PKHD1: variants seen among roughly 807,000 people sequenced by gnomAD.
PKHD1 encodes fibrocystin.
PKHD1 carries 291 observed loss-of-function variants against 412.0 expected under a neutral mutation model. The ratio of observed to expected loss-of-function variants is 0.71; its 90% CI spans 0.64 to 0.78. PKHD1 has a LOEUF of 0.78. PKHD1 is among the 30% of genes least tolerant of loss of function. The probability of loss-of-function intolerance (pLI) is 0.00; values close to 1 mark genes in which losing one functional copy is unlikely to be tolerated. For synonymous variants in PKHD1, 1,777 were observed against 1,821.5 expected (o/e 0.98, Z 0.62); for missense variants, 4,825 against 4,950.7 (o/e 0.97, Z 0.76).
chr6:51,953,990 C>A (rs1437476011), intron 36 of PKHD1, among the ~76,000 whole-genome samples: 5 of 152,168 alleles, frequency 3.3e-5, no homozygotes, highest in Admixed American at 1.3e-4. Context: ...GAAGCAAAAG[C>A]AATCCAAGGT....
intron 53 of PKHD1, among the ~76,000 whole-genome samples, chr6:51,788,711 T>C (rs1229501729): frequency 6.6e-6 from 1 of 152,148 alleles, no homozygotes; most frequent in Non-Finnish European, 1.5e-5. Context: ...CCCTAGGGTA[T>C]ACCTCATCCC....
In PKHD1 at chr6:51,807,471, A is replaced by ATATG. The variant is rs1562356489; in HGVS notation, c.8303-16099_8303-16098insCATA. Among the ~76,000 whole-genome samples the ATATG allele has an allele frequency of 2.4e-4, 28 of 115,832 alleles. 1 individual carries two copies. The highest frequency in any genetic ancestry group is 9.7e-4 in the African/African-American group (27 of 27,702). The allele number at this position is 115,832 out of a possible 152,430, so 76.0% of individuals were successfully genotyped here. ...AAAAAAAAAAAAAATATATATATAT[A>ATATG]TATATATATGTATATGTGTGTGTGT... On this transcript the variant is annotated intron_variant, in intron 52 of 66. Coordinates refer to ENST00000371117, the MANE Select transcript of PKHD1 (RefSeq NM_138694.4).
At chr6:51,805,031 A>G (rs1202986169) in intron 52 of PKHD1, among the ~76,000 whole-genome samples, 1 of 152,192 alleles carries the variant, frequency 6.6e-6, no homozygotes, top group Non-Finnish European at 1.5e-5. Flanking sequence ...CTTACTGGGT[A>G]TATATCCAAA....
chr6:51,632,068 C>T (rs2247786), intron 65 of PKHD1, among the ~76,000 whole-genome samples: 15,212 of 151,666 alleles, frequency 0.1, 776 homozygotes, highest in East Asian at 0.14. Flanking sequence ...CTCAGCCTCC[C>T]GAGTAGCTGG....
chr6:52,010,532 T>C (rs1261393995), intron 34 of PKHD1, 73 bp from the exon 35 acceptor site: 2 of 1,286,916 alleles, frequency 1.6e-6, no homozygotes, highest in Non-Finnish European at 2.3e-6. Context: ...CTCTTATTAA[T>C]CATTGCAAGC....
At chr6:51,754,966 T>A in intron 55 of PKHD1, 28 bp from the exon 56 acceptor site, 2 of 1,591,204 alleles carry the variant, frequency 1.3e-6, no homozygotes, top group Non-Finnish European at 1.7e-6. Flanking sequence ...TGGCATTGGA[T>A]ATACTAACAG....
chr6:52,009,822 G>A (rs562846625), intron 35 of PKHD1, among the ~76,000 whole-genome samples: 105 of 152,070 alleles, frequency 6.9e-4, no homozygotes, highest in Admixed American at 1.0e-3. Context: ...GGTCCTTTTC[G>A]TTTCTGATGT....
At chr6:51,755,009 A>G in intron 55 of PKHD1, 71 bp from the exon 56 acceptor site, 2 of 1,319,740 alleles carry the variant, frequency 1.5e-6, no homozygotes, top group Non-Finnish European at 2.2e-6. Flanking sequence ...CTCCAGAGCA[A>G]GAAAAGGAAA....
chr6:51,709,038 T>A (rs936647081), intron 60 of PKHD1, among the ~76,000 whole-genome samples: 1 of 152,224 alleles, frequency 6.6e-6, no homozygotes, highest in Non-Finnish European at 1.5e-5. Flanking sequence ...AAAAGTTTGC[T>A]AACTCCTGCC....
rs760537531 is a variant in PKHD1 at position 51,934,184 on chromosome 6, C to A, written c.6047G>T (p.Ser2016Ile). The change falls in exon 37 of 67, where the codon AGT becomes ATT. Residue 2016 changes from serine (S) to isoleucine (I), a missense_variant. By Grantham distance (142) the Ser-to-Ile change is moderately radical. Coordinates refer to ENST00000371117, the MANE Select transcript of PKHD1 (RefSeq NM_138694.4). ...GGGAAAGAAGGGAGTTGAGTAGGAA[C>A]TCCCGTAGAGTGTGATCTGAGCTCT... The part of the protein sequence containing the change: ...QGRAQITLYG[S>I]SYSTPFFPYG... The A allele has an allele frequency of 6.2e-7, 1 of 1,614,060 alleles. No homozygotes were observed. The highest frequency in any genetic ancestry group is 1.7e-5 in the Admixed American group (1 of 60,034).
chr6:51,658,958 C>T lies in PKHD1; in HGVS notation c.11168G>A (p.Gly3723Asp). ...GAATATAATTAGTACTTACCCATAG[C>T]CAATGACTCCCTTTGACTGAGTAAC... ...LLVTQSKGVI[G>D]YGNTSSFKTG... Residue 3723 changes from glycine (G) to aspartate (D), a missense_variant, in exon 61 of 67, where the codon GGC becomes GAC. Gly to Asp is a moderately conservative substitution (Grantham distance 94, BLOSUM62 -1). Coordinates refer to ENST00000371117, the MANE Select transcript of PKHD1 (RefSeq NM_138694.4). 2.5e-6 allele frequency: 4 copies of T among 1,605,978 alleles called. No individual in the cohort carries two copies. Among genetic ancestry groups the T allele is most frequent in the Non-Finnish European group, 2.6e-6 (3 of 1,172,732 alleles).
At position 52,025,399 on chromosome 6, in the gene PKHD1, C is replaced by T. The variant is rs569798186; in HGVS notation, c.4411G>A (p.Glu1471Lys). The change falls in exon 32 of 67, where the codon GAG becomes AAG. Residue 1471 changes from glutamate (E) to lysine (K), a missense_variant. Physicochemically the swap from Glu to Lys is moderately conservative, Grantham distance 56 (BLOSUM62 1). Transcript: ENST00000371117. ...AAAAGAGTGCAATTCCCCTGACACT[C>T]GCTGGTTAGCCCATTGACCAGGACT... ...VTVLVNGLTS[E>K]CQGNCTLFIR... is the part of the protein sequence containing the mutation. 1.1e-5 allele frequency: 17 copies of T among 1,610,632 alleles called. No individual in the cohort carries two copies. In the African/African-American group the frequency reaches 1.5e-4, roughly 14 times the overall value.
intron 55 of PKHD1, among the ~76,000 whole-genome samples, chr6:51,768,041 T>G (rs1303211919): frequency 6.6e-6 from 1 of 152,106 alleles, no homozygotes; most frequent in Non-Finnish European, 1.5e-5. Flanking sequence ...TCATTGTGGT[T>G]TTGATTTGCA....
At chr6:51,857,218 A>G (rs1583060589) in intron 48 of PKHD1, among the ~76,000 whole-genome samples, 1 of 152,168 alleles carries the variant, frequency 6.6e-6, no homozygotes, top group Non-Finnish European at 1.5e-5. Context: ...ATCCAAAAAA[A>G]AAAAAAATCA....
At chr6:51,930,672 T>A (rs550239142) in intron 37 of PKHD1, among the ~76,000 whole-genome samples, 1 of 152,296 alleles carries the variant, frequency 6.6e-6, no homozygotes, top group East Asian at 1.9e-4. Context: ...TAAATTAGAA[T>A]CCATTCAGCA....
intron 35 of PKHD1, among the ~76,000 whole-genome samples, chr6:51,980,087 A>G (rs1203915596): frequency 6.6e-6 from 1 of 152,224 alleles, no homozygotes; most frequent in Non-Finnish European, 1.5e-5. Flanking sequence ...CTGGTACATA[A>G]TGAGCACTTG....
chr6:52,051,950 C>T (rs1018916953), intron 21 of PKHD1, among the ~76,000 whole-genome samples: 1 of 152,084 alleles, frequency 6.6e-6, no homozygotes, highest in African/African-American at 2.4e-5. Flanking sequence ...ACCCAGATGT[C>T]CCCAAAACAC....
chr6:52,050,071 T>A, intron 22 of PKHD1, 86 bp downstream of exon 22: 1 of 1,321,298 alleles, frequency 7.6e-7, no homozygotes, highest in South Asian at 1.2e-5. Context: ...ACAGGTAGCT[T>A]TTCCTGAAAA....
chr6:51,642,072 A>C (rs1294753499), intron 63 of PKHD1, among the ~76,000 whole-genome samples: 1 of 152,182 alleles, frequency 6.6e-6, no homozygotes, highest in Non-Finnish European at 1.5e-5. Flanking sequence ...ATAAATAAAT[A>C]AAGAGTAAAT....
Sources: allele counts gnomAD v4.1 joint callset (sites outside exome capture counted in the v4.1 genomes callset), GRCh38; gene constraint gnomAD v4.1.1; transcripts MANE v1.5; gene names NCBI Gene and HGNC (gene_info 2026-07-23, HGNC 2026-07-21).